ESPNL: variants seen among roughly 807,000 people sequenced by gnomAD.
ESPNL encodes espin-like protein.
In ESPNL, 49 loss-of-function variants were observed where a neutral mutation model predicts 46.8. The ratio of observed to expected loss-of-function variants is 1.05; its 90% CI spans 0.83 to 1.33. The LOEUF (loss-of-function observed/expected upper bound fraction) is 1.33. Among genes scored for constraint, ESPNL ranks in the 40% most tolerant of loss-of-function variants. The pLI is 0.00. For missense variants in ESPNL, 1,540 were observed against 1,436.6 expected (o/e 1.07, Z -1.16); for synonymous variants, 664 against 662.1 (o/e 1.00, Z -0.04).
Position 238,132,422 on chromosome 2 carries a change from C to G in ESPNL, c.*690C>G, listed in dbSNP as rs1692364356. 1 of 151,946 alleles carries G rather than the reference C, an allele frequency of 6.6e-6. No homozygotes were observed. The highest frequency in any genetic ancestry group is 1.5e-5 in the Non-Finnish European group (1 of 68,134). 9.4% of individuals were successfully genotyped at this position (151,946 alleles called of 1,614,324 possible). A position where few individuals can be genotyped will look rare whatever the true frequency, so the allele number is the denominator to read the frequency against. ...GCCCTGGCCTAGTCGTGGGCCCCAG[C>G]AAGGCTGGAGAGCAGGGACGTGGGA... On this transcript the variant is annotated 3_prime_UTR_variant, in exon 9 of 9. Coordinates refer to ENST00000343063, the MANE Select transcript of ESPNL (RefSeq NM_194312.4).
rs148422497 is a variant in ESPNL at position 238,120,226 on chromosome 2, G to A, written c.987+3192G>A. Among the ~76,000 whole-genome samples, 60 of 152,222 alleles carry A rather than the reference G, an allele frequency of 3.9e-4. No individual in the cohort carries two copies. The East Asian group carries it at 0.011, about 27-fold the overall frequency. On this transcript the variant is annotated intron_variant, in intron 5 of 8. Coordinates refer to ENST00000343063, the MANE Select transcript of ESPNL (RefSeq NM_194312.4). Reference sequence around the variant, plus strand: ...CCATGGCCCACAGCCCAGGAGTGCCGGCTGCCTGGGTCTCCCCACAGCTCC... The same window carrying A: ...CCATGGCCCACAGCCCAGGAGTGCCAGCTGCCTGGGTCTCCCCACAGCTCC...
intron 4 of ESPNL, among the ~76,000 whole-genome samples, chr2:238,116,550 T>C (rs924110823): frequency 1.3e-5 from 2 of 152,090 alleles, no homozygotes. Context: ...TTCACGTGCA[T>C]TGATCCACAC....
At chr2:238,119,372 G>T (rs1320275974) in intron 5 of ESPNL, among the ~76,000 whole-genome samples, 1 of 143,210 alleles carries the variant, frequency 7.0e-6, no homozygotes, top group Non-Finnish European at 1.5e-5. Context: ...GAAGGACGTG[G>T]ATGAAGGAGT....
At position 238,124,719 on chromosome 2, in the gene ESPNL, G is replaced by A. The variant is rs1045096752; in HGVS notation, c.988-551G>A. Among the ~76,000 whole-genome samples, 21 of 117,266 alleles carry A rather than the reference G, an allele frequency of 1.8e-4. No individual in the cohort carries two copies. The Middle Eastern group carries it at 0.013, about 73-fold the overall frequency. The allele number at this position is 117,266 out of a possible 152,430, so 76.9% of individuals were successfully genotyped here. Reference sequence around the variant, plus strand: ...CGTGCATGTGTGTGCAGGAGAGTACGTGCATGTGTGCAGGAGAGTACATGC... The same window carrying A: ...CGTGCATGTGTGTGCAGGAGAGTACATGCATGTGTGCAGGAGAGTACATGC... On this transcript the variant is annotated intron_variant, in intron 5 of 8. Transcript: ENST00000343063.
chr2:238,120,469 T>C (rs1691961435), intron 5 of ESPNL, among the ~76,000 whole-genome samples: 1 of 152,250 alleles, frequency 6.6e-6, no homozygotes, highest in African/African-American at 2.4e-5. Context: ...CTGGGCTTTC[T>C]GTCCAAGCAG....
chr2:238,127,454 G>T lies in ESPNL; in HGVS notation c.1103-168G>T, dbSNP rs1164870441. 9.4e-6 allele frequency: 13 copies of T among 1,385,024 alleles called. No homozygotes were observed. The Admixed American group carries it at 2.0e-4, about 22-fold the overall frequency. 85.8% of individuals were successfully genotyped at this position (1,385,024 alleles called of 1,614,324 possible). A position where few individuals can be genotyped will look rare whatever the true frequency, so the allele number is the denominator to read the frequency against. Reference sequence around the variant, plus strand: ...GGGCCCCACTGACTCCCCAGAGAAGGTCCAGTGGGGCCCCCGAGGTGTTCT... The same window carrying T: ...GGGCCCCACTGACTCCCCAGAGAAGTTCCAGTGGGGCCCCCGAGGTGTTCT... On this transcript the variant is annotated intron_variant, in intron 6 of 8. Transcript: ENST00000343063.
At chr2:238,100,918 A>C (rs1455118379) in intron 1 of ESPNL, among the ~76,000 whole-genome samples, 1 of 152,046 alleles carries the variant, frequency 6.6e-6, no homozygotes, top group Non-Finnish European at 1.5e-5. Flanking sequence ...ACACCTCCTA[A>C]ATTTTCTTAT....
Position 238,114,212 on chromosome 2 carries a change from G to A in ESPNL, c.856-2691G>A, listed in dbSNP as rs993858333. ...CAGCGGTGATGGGGTCCGTCACTCT[G>A]GGGGAGAGGTTCCCTTCCTCCTCCC... On this transcript the variant is annotated intron_variant, in intron 4 of 8. Transcript: ENST00000343063. This position sits in a 1 kb window ranked among gnomAD's most constrained non-coding sequence, Gnocchi z 5.0. Among the ~76,000 whole-genome samples the A allele has an allele frequency of 2.6e-5, 4 of 152,048 alleles. No individual in the cohort carries two copies. Among genetic ancestry groups the A allele is most frequent in the African/African-American group, 9.7e-5 (4 of 41,386 alleles).
chr2:238,100,931 C>T (rs538423841), intron 1 of ESPNL, among the ~76,000 whole-genome samples: 11 of 152,340 alleles, frequency 7.2e-5, no homozygotes, highest in African/African-American at 2.6e-4. Flanking sequence ...TTTCTTATCA[C>T]CTTCCCTGCC....
chr2:238,126,462 T>C (rs1409443532), intron 6 of ESPNL, among the ~76,000 whole-genome samples: 1 of 151,352 alleles, frequency 6.6e-6, no homozygotes, highest in Admixed American at 6.6e-5. Context: ...GTCTATGTGA[T>C]TGTGTGTATC....
chr2:238,110,063 A>G (rs112069791), intron 4 of ESPNL, among the ~76,000 whole-genome samples: 24 of 128,154 alleles, frequency 1.9e-4, no homozygotes, highest in Admixed American at 3.1e-4. Flanking sequence ...CCCATTTAGG[A>G]TGCCACACGT....
Position 238,128,857 on chromosome 2 carries a change from C to G in ESPNL, c.1366C>G (p.Arg456Gly). Residue 456 changes from arginine to glycine, a missense_variant, in exon 8 of 9, where the codon CGG becomes GGG. Transcript: ENST00000343063. The stretch of plus-strand genomic sequence containing the variant: ...AGAGTGGAAGCGGCAGGTGATGGTG[C>G]GGAAGCTGCAGGCGCGCCTGGGCGC... ...IPEWKRQVMV[R>G]KLQARLGAES... 6.5e-7 allele frequency: 1 copy of G among 1,547,758 alleles called. No individual in the cohort carries two copies. The highest frequency in any genetic ancestry group is 8.7e-7 in the Non-Finnish European group (1 of 1,146,828).
chr2:238,105,652 A>C (rs1691580477), intron 3 of ESPNL, among the ~76,000 whole-genome samples: 1 of 151,690 alleles, frequency 6.6e-6, no homozygotes, highest in Non-Finnish European at 1.5e-5. Context: ...GGTCATTCAG[A>C]GGCGGGGAGA....
chr2:238,110,949 CTTTTTTTTTTTTTTTT>C (rs5839686), intron 4 of ESPNL, among the ~76,000 whole-genome samples: 1 of 111,004 alleles, frequency 9.0e-6, no homozygotes, highest in African/African-American at 3.3e-5. Flanking sequence ...ATTAGTTATT[CTTTTTTTTTTTTTTTT>C]TTTTTGAGAC....
chr2:238,102,980 G>T (rs887588466), intron 2 of ESPNL, among the ~76,000 whole-genome samples: 1 of 152,196 alleles, frequency 6.6e-6, no homozygotes, highest in Non-Finnish European at 1.5e-5. Flanking sequence ...TCTCATTCCC[G>T]GGTGTTCCCA....
chr2:238,113,983 C>T (rs1204720975), intron 4 of ESPNL, among the ~76,000 whole-genome samples: 4 of 152,152 alleles, frequency 2.6e-5, no homozygotes, highest in Admixed American at 1.3e-4. Flanking sequence ...CTGACTTCTG[C>T]GTTACCTTAC....
In ESPNL at chr2:238,103,452, G is replaced by A. The variant is rs1266303429; in HGVS notation, c.486-1204G>A. 1.3e-5 allele frequency among the ~76,000 whole-genome samples: 2 copies of A among 151,784 alleles called. 1 individual carries two copies. Among genetic ancestry groups the A allele is most frequent in the Non-Finnish European group, 2.9e-5 (2 of 67,996 alleles). ...TCAAAAAAAAGAAGAAAACCAGGAG[G>A]CTTCATGTTAATATGCACACACACA... On this transcript the variant is annotated intron_variant, in intron 2 of 8. Coordinates refer to ENST00000343063, the MANE Select transcript of ESPNL (RefSeq NM_194312.4).
chr2:238,131,935 C>T lies in ESPNL; in HGVS notation c.*203C>T, dbSNP rs1198494862. 1.7e-6 allele frequency: 1 copy of T among 597,664 alleles called. No individual in the cohort carries two copies. The highest frequency in any genetic ancestry group is 2.8e-6 in the Non-Finnish European group (1 of 352,110). 37.0% of individuals were successfully genotyped at this position (597,664 alleles called of 1,614,324 possible). ...ACTCAGACTCCTTCTCACCACTGCACCCAGGAAGCCCCTTGGCAGGTCCTG... is the reference window on the plus strand; with the variant it reads ...ACTCAGACTCCTTCTCACCACTGCATCCAGGAAGCCCCTTGGCAGGTCCTG... On this transcript the variant is annotated 3_prime_UTR_variant, in exon 9 of 9. Transcript: ENST00000343063.
intron 5 of ESPNL, among the ~76,000 whole-genome samples, chr2:238,117,574 C>T (rs1691844774): frequency 6.6e-6 from 1 of 152,240 alleles, no homozygotes; most frequent in South Asian, 2.1e-4. Flanking sequence ...AGCCCTGCAG[C>T]AGCCGGAAGG....
Sources: allele counts gnomAD v4.1 joint callset (sites outside exome capture counted in the v4.1 genomes callset), GRCh38; gene constraint gnomAD v4.1.1; non-coding constraint Gnocchi (gnomAD v3.1); transcripts MANE v1.5; gene names NCBI Gene and HGNC (gene_info 2026-07-23, HGNC 2026-07-21).